DNER: variants seen among roughly 807,000 people sequenced by gnomAD.
The protein encoded by DNER is delta/notch like EGF repeat containing, also known as delta and Notch-like epidermal growth factor-related receptor.
DNER carries 33 observed loss-of-function variants against 78.2 expected under a neutral mutation model. The observed-to-expected ratio is 0.42, with a 90% CI of 0.32 to 0.56. DNER has a LOEUF of 0.56. Among genes scored for constraint, DNER ranks in the 20% least tolerant of loss-of-function variants. The probability of loss-of-function intolerance (pLI) is 0.11; values close to 1 mark genes in which losing one functional copy is unlikely to be tolerated. For missense variants in DNER, 918 were observed against 975.3 expected, an observed-to-expected ratio of 0.94 and a Z score of 0.78; for synonymous variants, 417 against 384.8, an observed-to-expected ratio of 1.08 and a Z score of -0.98.
chr2:229,427,454 G>A (rs1693902308), intron 8 of DNER, among the ~76,000 whole-genome samples: 1 of 152,202 alleles, frequency 6.6e-6, no homozygotes, highest in Non-Finnish European at 1.5e-5. Flanking sequence ...AACAGATAAA[G>A]TGCCTTTACT....
intron 4 of DNER, among the ~76,000 whole-genome samples, chr2:229,577,025 G>A (rs1697314979): frequency 6.6e-6 from 1 of 152,178 alleles, no homozygotes; most frequent in Admixed American, 6.5e-5. Context: ...AGATGAAGCA[G>A]CTGGTCAGGG....
intron 5 of DNER, among the ~76,000 whole-genome samples, chr2:229,535,929 C>A (rs1696395258): frequency 6.6e-6 from 1 of 152,180 alleles, no homozygotes; most frequent in Admixed American, 6.5e-5. Flanking sequence ...CAGGCGTGAG[C>A]CACCACGCCT....
At chr2:229,681,747 T>C (rs904544490) in intron 1 of DNER, among the ~76,000 whole-genome samples, 10 of 151,962 alleles carry the variant, frequency 6.6e-5, no homozygotes, top group African/African-American at 2.2e-4. Context: ...TTTCAAAGTT[T>C]GTGAATCCTC....
Position 229,635,719 on chromosome 2 carries a change from C to G in DNER, c.277-43831G>C, listed in dbSNP as rs533517989. On this transcript the variant is annotated intron_variant, in intron 1 of 12. Coordinates refer to ENST00000341772, the MANE Select transcript of DNER (RefSeq NM_139072.4). ...TTCCTATTCACAATGTCCATAGGAGCACCATTTCCTAAATATGCTGGGAAA... is the reference window on the plus strand; with the variant it reads ...TTCCTATTCACAATGTCCATAGGAGGACCATTTCCTAAATATGCTGGGAAA... Among the ~76,000 whole-genome samples, 6 of 152,266 alleles carry G rather than the reference C, an allele frequency of 3.9e-5. No homozygotes were observed. The East Asian group carries it at 1.2e-3, about 29-fold the overall frequency.
At chr2:229,482,661 C>G (rs969630554) in intron 6 of DNER, among the ~76,000 whole-genome samples, 1 of 152,200 alleles carries the variant, frequency 6.6e-6, no homozygotes. Context: ...AGTTACAGTC[C>G]TGCCCTACAA....
intron 9 of DNER, among the ~76,000 whole-genome samples, chr2:229,414,709 C>A (rs572329261): frequency 6.6e-6 from 1 of 152,210 alleles, no homozygotes; most frequent in South Asian, 2.1e-4. Context: ...CTAGAGTGAC[C>A]CCTAGGGAGT....
chr2:229,400,310 A>T (rs1442526981), intron 10 of DNER, among the ~76,000 whole-genome samples: 1 of 152,078 alleles, frequency 6.6e-6, no homozygotes, highest in African/African-American at 2.4e-5. Flanking sequence ...ATGGGTTAGT[A>T]TACACATGCA....
At chr2:229,703,956 C>A (rs144153616) in intron 1 of DNER, among the ~76,000 whole-genome samples, 4 of 150,734 alleles carry the variant, frequency 2.7e-5, no homozygotes, top group Non-Finnish European at 1.5e-5. Flanking sequence ...GGAGAAGCCA[C>A]AGATTGGGAG....
At chr2:229,489,823 G>T (rs1166533357) in intron 6 of DNER, among the ~76,000 whole-genome samples, 1 of 152,162 alleles carries the variant, frequency 6.6e-6, no homozygotes, top group African/African-American at 2.4e-5. Flanking sequence ...AGCAGGATAA[G>T]GATGAGGAAG....
intron 5 of DNER, among the ~76,000 whole-genome samples, chr2:229,535,875 C>T (rs1451771929): frequency 6.6e-6 from 1 of 152,102 alleles, no homozygotes; most frequent in Non-Finnish European, 1.5e-5. Context: ...AACTCCTGAC[C>T]TCAGGTGATC....
intron 1 of DNER, among the ~76,000 whole-genome samples, chr2:229,709,873 T>C (rs1472700363): frequency 6.6e-6 from 1 of 152,162 alleles, no homozygotes; most frequent in African/African-American, 2.4e-5. Context: ...AATAGCCCCT[T>C]CTTTGACGGA....
intron 6 of DNER, among the ~76,000 whole-genome samples, chr2:229,491,150 G>A (rs1055951655): frequency 1.3e-5 from 2 of 152,094 alleles, no homozygotes; most frequent in South Asian, 2.1e-4. Flanking sequence ...AGGTTCTCTC[G>A]GGCACTGTGC....
chr2:229,524,751 C>A lies in DNER; in HGVS notation c.994-11815G>T, dbSNP rs1245615654. ...ACACCAGGGAGGAGCTGCACCTGCA[C>A]CTGGTCCAGGTAAAAGGGTGAAGCC... On this transcript the variant is annotated intron_variant, in intron 5 of 12. Coordinates refer to ENST00000341772, the MANE Select transcript of DNER (RefSeq NM_139072.4). Among the ~76,000 whole-genome samples the A allele has an allele frequency of 2.0e-5, 3 of 152,200 alleles. No individual in the cohort carries two copies. In the East Asian group the frequency reaches 5.8e-4, roughly 29 times the overall value.
intron 1 of DNER, among the ~76,000 whole-genome samples, chr2:229,650,292 C>T (rs765262886): frequency 2.6e-5 from 4 of 152,082 alleles, no homozygotes; most frequent in Admixed American, 6.5e-5. Context: ...ACTCACACCA[C>T]AGTGTGAAGG....
chr2:229,435,800 A>G (rs1428535109), intron 8 of DNER, among the ~76,000 whole-genome samples: 2 of 152,208 alleles, frequency 1.3e-5, no homozygotes, highest in Non-Finnish European at 2.9e-5. Context: ...TTAAGACTTC[A>G]GTCCAACCAA....
intron 6 of DNER, among the ~76,000 whole-genome samples, chr2:229,499,009 A>G (rs1266896640): frequency 6.6e-6 from 1 of 152,238 alleles, no homozygotes; most frequent in Non-Finnish European, 1.5e-5. Context: ...TGATTTCAAA[A>G]TATACTACAA....
chr2:229,527,346 C>T (rs1343399106), intron 5 of DNER, among the ~76,000 whole-genome samples: 1 of 152,174 alleles, frequency 6.6e-6, no homozygotes, highest in Non-Finnish European at 1.5e-5. Context: ...TTCTCACAAC[C>T]CATACCTACA....
chr2:229,659,266 A>G (rs940344979), intron 1 of DNER, among the ~76,000 whole-genome samples: 2 of 152,140 alleles, frequency 1.3e-5, no homozygotes, highest in Non-Finnish European at 2.9e-5. Context: ...TAGCTATTAA[A>G]CCTTTCTTTA....
At chr2:229,432,935 G>A (rs1694041965) in intron 8 of DNER, among the ~76,000 whole-genome samples, 1 of 152,074 alleles carries the variant, frequency 6.6e-6, no homozygotes, top group Non-Finnish European at 1.5e-5. Context: ...GTGTTTTGTT[G>A]TTGTTGTTGT....
Sources: gnomAD v4.1 joint callset for allele counts (sites outside exome capture counted in the v4.1 genomes callset) on GRCh38, gnomAD v4.1.1 for gene constraint, MANE v1.5 for transcripts, NCBI Gene and HGNC (gene_info 2026-07-23, HGNC 2026-07-21) for gene names.